The following SYNPO variants were observed in gnomAD, a reference collection of about 807,000 sequenced individuals.
SYNPO encodes synaptopodin.
Under a neutral mutation model 49.5 loss-of-function variants are expected in SYNPO, and 19 were observed. The observed-to-expected ratio is 0.38, with a 90% CI of 0.27 to 0.56. The LOEUF is 0.56. SYNPO is among the 20% of genes least tolerant of loss of function. The pLI, the probability that SYNPO is intolerant of heterozygous loss-of-function variation, is 0.68. For missense variants in SYNPO, 1,131 were observed against 1,248.3 expected, an observed-to-expected ratio of 0.91 and a Z score of 1.42; for synonymous variants, 536 against 548.0, an observed-to-expected ratio of 0.98 and a Z score of 0.31.
intron 2 of SYNPO, among the ~76,000 whole-genome samples, chr5:150,631,471 C>T (rs1052231712): frequency 1.3e-5 from 2 of 152,112 alleles, no homozygotes; most frequent in African/African-American, 2.4e-5. Context: ...CTGGGCTGGC[C>T]GAGCACTAGA....
chr5:150,592,134 C>T, the SYNPO span, among the ~76,000 whole-genome samples: 3 of 151,958 alleles, frequency 2.0e-5, no homozygotes. Flanking sequence ...CATTGCACTC[C>T]AGCCTGGGCA....
At chr5:150,638,061 T>C (rs543800908), upstream of SYNPO, among the ~76,000 whole-genome samples, 58 of 151,944 alleles carry the variant, frequency 3.8e-4, no homozygotes, top group African/African-American at 1.3e-3. Flanking sequence ...GTTTCCTTTC[T>C]ATTCAGCTGG....
chr5:150,598,194 C>G (rs1221751180), upstream of SYNPO, among the ~76,000 whole-genome samples: 2 of 152,044 alleles, frequency 1.3e-5, no homozygotes, highest in African/African-American at 4.8e-5. Flanking sequence ...GAGAGTTTAA[C>G]CAGGACCTCT....
intron 1 of SYNPO, among the ~76,000 whole-genome samples, chr5:150,606,053 G>A (rs1581448042): frequency 6.6e-6 from 1 of 151,886 alleles, no homozygotes; most frequent in Non-Finnish European, 1.5e-5. Flanking sequence ...ACAGATACAC[G>A]CCCAGACACG....
chr5:150,650,431 G>C, intron 2 of SYNPO, 128 bp downstream of exon 2: 1 of 1,549,424 alleles, frequency 6.5e-7, no homozygotes, highest in South Asian at 1.2e-5. Context: ...TGAGTGAGGA[G>C]AATGGGGAGT....
intron 1 of SYNPO, among the ~76,000 whole-genome samples, chr5:150,610,942 C>T (rs1214976124): frequency 6.6e-6 from 1 of 152,146 alleles, no homozygotes; most frequent in African/African-American, 2.4e-5. Context: ...AGAAATATGT[C>T]TCCCAAGGGT....
chr5:150,590,897 C>T, the SYNPO span, among the ~76,000 whole-genome samples: 5 of 152,176 alleles, frequency 3.3e-5, no homozygotes, highest in African/African-American at 9.7e-5. Context: ...TATACCTCCC[C>T]GTCCTCAGCC....
At chr5:150,610,627 TATA>T (rs572095304) in intron 1 of SYNPO, among the ~76,000 whole-genome samples, 206 of 152,280 alleles carry the variant, frequency 1.4e-3, no homozygotes, top group African/African-American at 4.5e-3. Flanking sequence ...AAACAATAAT[TATA>T]ATAACAACAG....
chr5:150,644,571 G>C (rs1581503314), intron 1 of SYNPO, among the ~76,000 whole-genome samples: 1 of 152,190 alleles, frequency 6.6e-6, no homozygotes, highest in African/African-American at 2.4e-5. Flanking sequence ...TGGCAGTCAG[G>C]CCTTGGCATT....
rs756542229 is a variant in SYNPO at position 150,650,024 on chromosome 5, C to G, written c.1749C>G (p.Val583=). The change falls in exon 2 of 3, where the codon GTC becomes GTG. Residue 583 remains valine, a synonymous_variant. Transcript: ENST00000307662. ...VLSPIKEPAK[V]SPRAASPAKP... ...CACCTATCAAGGAGCCTGCCAAGGT[C>G]TCACCAAGAGCTGCCTCGCCCGCCA... 1 of 1,612,582 alleles carries G rather than the reference C, an allele frequency of 6.2e-7. No individual in the cohort carries two copies. The highest frequency in any genetic ancestry group is 1.1e-5 in the South Asian group (1 of 91,086).
upstream of SYNPO, among the ~76,000 whole-genome samples, chr5:150,636,889 G>T (rs1757734948): frequency 6.6e-6 from 1 of 152,174 alleles, no homozygotes; most frequent in East Asian, 1.9e-4. Context: ...GGTGAAGACA[G>T]GGAGAGAGAC....
the SYNPO span, among the ~76,000 whole-genome samples, chr5:150,587,490 C>T: frequency 5.5e-5 from 8 of 145,694 alleles, no homozygotes; most frequent in African/African-American, 7.6e-5. Context: ...GATAAATAGG[C>T]GGATGGATAC....
chr5:150,608,461 C>T (rs1756754284), intron 1 of SYNPO: 1 of 152,214 alleles, frequency 6.6e-6, no homozygotes. Context: ...GGGCCCACAT[C>T]TGCAAAGGAG....
At chr5:150,600,330 A>T (rs1756498211), upstream of SYNPO, among the ~76,000 whole-genome samples, 1 of 152,234 alleles carries the variant, frequency 6.6e-6, no homozygotes, top group East Asian at 1.9e-4. Context: ...GCAGCACTCC[A>T]GTGGGAAAGG....
chr5:150,625,980 A>T (rs1561642391), intron 2 of SYNPO, among the ~76,000 whole-genome samples: 1 of 152,186 alleles, frequency 6.6e-6, no homozygotes, highest in African/African-American at 2.4e-5. Flanking sequence ...GTAGCCCCTG[A>T]GGGGGAAATT....
the SYNPO span, among the ~76,000 whole-genome samples, chr5:150,595,246 A>G: frequency 6.6e-6 from 1 of 152,242 alleles, no homozygotes; most frequent in East Asian, 1.9e-4. Flanking sequence ...TTAGCATGCG[A>G]TGGCATTTGG....
chr5:150,642,788 C>A (rs185012653), intron 1 of SYNPO, among the ~76,000 whole-genome samples: 2 of 152,362 alleles, frequency 1.3e-5, no homozygotes, highest in East Asian at 3.9e-4. Context: ...GCTGCAGGAG[C>A]TTGCCTTGGA....
At chr5:150,587,184 G>A in the SYNPO span, among the ~76,000 whole-genome samples, 1 of 151,120 alleles carries the variant, frequency 6.6e-6, no homozygotes, top group Non-Finnish European at 1.5e-5. Context: ...GGATGGATAT[G>A]TTAATGGATG....
rs1293233274 is a variant in SYNPO, at chr5:150,649,899, G to C, written c.1624G>C (p.Ala542Pro). The C allele has an allele frequency of 6.2e-7, 1 of 1,610,920 alleles. No individual in the cohort carries two copies. Among genetic ancestry groups the C allele is most frequent in the Non-Finnish European group, 8.5e-7 (1 of 1,179,974 alleles). Residue 542 changes from alanine to proline, a missense_variant, in exon 2 of 3, where the codon GCC becomes CCC. Ala to Pro is a conservative substitution (Grantham distance 27). This residue lies in a region of SYNPO where 602 missense variants were observed against 720.7 expected (regional missense o/e 0.84). Transcript: ENST00000307662. ...CCGAAGCCCAGCCCGGACCCCGCCTGCCTCCCTCTACCATGGCTACCTGCC... is the reference window on the plus strand; with the variant it reads ...CCGAAGCCCAGCCCGGACCCCGCCTCCCTCCCTCTACCATGGCTACCTGCC... ...ASRSPARTPPASLYHGYLPEN... is the reference protein window; with the variant it reads ...ASRSPARTPPPSLYHGYLPEN...
Sources: allele counts gnomAD v4.1 joint callset (sites outside exome capture counted in the v4.1 genomes callset), GRCh38; gene constraint gnomAD v4.1.1; regional missense constraint gnomAD v4.1.1; transcripts MANE v1.5; gene names NCBI Gene and HGNC (gene_info 2026-07-23, HGNC 2026-07-21).